OCLN: variants seen among roughly 807,000 people sequenced by gnomAD.
The protein encoded by OCLN is phosphatase 1, regulatory subunit 115.
A neutral mutation model predicts 47.9 loss-of-function variants in OCLN; 21 were observed. That is an observed-to-expected ratio of 0.44 (90% CI 0.31 to 0.63). The LOEUF is 0.63. Ranked by LOEUF, OCLN falls within the 30% of genes least tolerant of loss-of-function variation. The pLI is 0.08. For missense variants in OCLN, 360 were observed against 571.0 expected (o/e 0.63, Z 3.77); for synonymous variants, 117 against 198.4 (o/e 0.59, Z 3.45).
chr5:69,533,041 A>G (rs1243832317), intron 4 of OCLN, among the ~76,000 whole-genome samples: 6 of 149,228 alleles, frequency 4.0e-5, no homozygotes, highest in African/African-American at 1.2e-4. Flanking sequence ...ACACACATGT[A>G]TATATACACA....
chr5:69,521,685 G>C (rs1213806509), intron 4 of OCLN, among the ~76,000 whole-genome samples: 4 of 152,086 alleles, frequency 2.6e-5, no homozygotes, highest in Non-Finnish European at 4.4e-5. Context: ...GTTTTTGAAA[G>C]CTCTGCAGAT....
chr5:69,508,317 A>G (rs1222834540), intron 2 of OCLN, among the ~76,000 whole-genome samples: 1 of 151,884 alleles, frequency 6.6e-6, no homozygotes, highest in Admixed American at 6.6e-5. Context: ...GTGCATTTTA[A>G]CAGCGTATCT....
intron 2 of OCLN, among the ~76,000 whole-genome samples, chr5:69,506,153 G>T (rs1768593687): frequency 6.6e-6 from 1 of 152,266 alleles, no homozygotes; most frequent in Non-Finnish European, 1.5e-5. Flanking sequence ...ATTATAAAGG[G>T]TATTACAAAA....
intron 4 of OCLN, among the ~76,000 whole-genome samples, chr5:69,515,589 ACC>A (rs1768929226): frequency 1.4e-5 from 1 of 69,090 alleles, no homozygotes; most frequent in African/African-American, 5.6e-5. Context: ...CGGGGGGCTG[ACC>A]CCCCCACCTC....
chr5:69,526,084 A>G (rs1042799441), intron 4 of OCLN, among the ~76,000 whole-genome samples: 7 of 152,134 alleles, frequency 4.6e-5, no homozygotes, highest in African/African-American at 1.7e-4. Context: ...AATTGTGTCT[A>G]CGTCAGTAGT....
At chr5:69,499,018 A>G (rs1407636558) in intron 1 of OCLN, among the ~76,000 whole-genome samples, 4 of 152,078 alleles carry the variant, frequency 2.6e-5, no homozygotes, top group Non-Finnish European at 5.9e-5. Context: ...ATAATACCGT[A>G]TACAATGTAA....
chr5:69,495,799 G>A (rs1359043698), intron 1 of OCLN, among the ~76,000 whole-genome samples: 1 of 152,150 alleles, frequency 6.6e-6, no homozygotes, highest in East Asian at 1.9e-4. Context: ...TGAGGGACAG[G>A]GAGGGCATCT....
chr5:69,493,720 C>T lies in OCLN; in HGVS notation c.-69+820C>T, dbSNP rs1246329321. Among the ~76,000 whole-genome samples, 1 of 152,158 alleles carries T rather than the reference C, an allele frequency of 6.6e-6. No individual in the cohort carries two copies. The highest frequency in any genetic ancestry group is 2.4e-5 in the African/African-American group (1 of 41,452). On this transcript the variant is annotated intron_variant, in intron 1 of 8. Coordinates refer to ENST00000396442, the MANE Select transcript of OCLN (RefSeq NM_001205254.2). The surrounding 1 kb of genome is among the most constrained non-coding windows in gnomAD (Gnocchi z 5.3). ...CCTCGGTGCGCACGGAAGCCGGGAC[C>T]CGCGCCCAGCCGGGCCACGGAGTTT...
intron 3 of OCLN, among the ~76,000 whole-genome samples, chr5:69,510,331 G>A (rs974618891): frequency 6.6e-6 from 1 of 152,058 alleles, no homozygotes; most frequent in Non-Finnish European, 1.5e-5. Flanking sequence ...TCCAGTGTGT[G>A]GATAAACCAC....
intron 4 of OCLN, 40 bp downstream of exon 4, chr5:69,514,149 C>T (rs777741469): frequency 6.4e-7 from 1 of 1,566,110 alleles, no homozygotes; most frequent in South Asian, 1.1e-5. Context: ...TTATTAAAGC[C>T]CCAAATTTGT....
intron 4 of OCLN, among the ~76,000 whole-genome samples, chr5:69,526,073 G>T (rs550390807): frequency 7.2e-5 from 11 of 152,288 alleles, no homozygotes; most frequent in Non-Finnish European, 1.2e-4. Flanking sequence ...ACATAGAAGA[G>T]AATTGTGTCT....
At chr5:69,547,403 C>G (rs1446050987) in intron 6 of OCLN, among the ~76,000 whole-genome samples, 3 of 127,424 alleles carry the variant, frequency 2.4e-5, no homozygotes, top group Non-Finnish European at 5.0e-5. Context: ...GAAACCCTGT[C>G]TCTACTAAAA....
Position 69,501,340 on chromosome 5 carries a change from G to C in OCLN, c.-68-2837G>C, listed in dbSNP as rs141708773. Among the ~76,000 whole-genome samples, 782 of 152,274 alleles carry C rather than the reference G, an allele frequency of 5.1e-3. 2 individuals are homozygous for C. Among genetic ancestry groups the C allele is most frequent in the Admixed American group, 0.01 (156 of 15,282 alleles). On this transcript the variant is annotated intron_variant, in intron 1 of 8. Coordinates refer to ENST00000396442, the MANE Select transcript of OCLN (RefSeq NM_001205254.2). The stretch of plus-strand genomic sequence containing the variant: ...TGTGTTTCACCATTACTAGAATATA[G>C]AGAAATTGGCCAGGTGTATTGGCTC...
intron 2 of OCLN, among the ~76,000 whole-genome samples, chr5:69,508,526 A>G (rs546270214): frequency 2.2e-4 from 33 of 152,042 alleles, no homozygotes; most frequent in Non-Finnish European, 3.8e-4. Context: ...TTTTTAGTAG[A>G]GATGGGGTTT....
chr5:69,548,981 A>G (rs1166786319), intron 7 of OCLN, among the ~76,000 whole-genome samples: 2 of 147,210 alleles, frequency 1.4e-5, no homozygotes, highest in East Asian at 4.1e-4. Context: ...AATAATAATA[A>G]TAAAATAGCC....
chr5:69,511,893 C>T (rs1215594489), intron 3 of OCLN, among the ~76,000 whole-genome samples: 1 of 151,972 alleles, frequency 6.6e-6, no homozygotes, highest in Non-Finnish European at 1.5e-5. Flanking sequence ...GACACGGTGG[C>T]GTGCCTGTAA....
intron 1 of OCLN, among the ~76,000 whole-genome samples, chr5:69,497,385 A>ATTTTT (rs373562576): frequency 6.0e-5 from 7 of 116,312 alleles, no homozygotes; most frequent in Non-Finnish European, 6.8e-5. Context: ...GTTTTTCTAG[A>ATTTTT]TTTTTTTTTT....
At chr5:69,549,883 C>T (rs1473041127) in intron 7 of OCLN, among the ~76,000 whole-genome samples, 1 of 150,674 alleles carries the variant, frequency 6.6e-6, no homozygotes, top group African/African-American at 2.4e-5. Context: ...TCCCGTGTCC[C>T]TTTGACATAC....
intron 3 of OCLN, among the ~76,000 whole-genome samples, chr5:69,513,691 C>T (rs1216375892): frequency 6.6e-6 from 1 of 152,154 alleles, no homozygotes; most frequent in African/African-American, 2.4e-5. Context: ...TTGATAGTTC[C>T]TAACATTAGG....
Sources: allele counts gnomAD v4.1 joint callset (sites outside exome capture counted in the v4.1 genomes callset), GRCh38; gene constraint gnomAD v4.1.1; non-coding constraint Gnocchi (gnomAD v3.1); transcripts MANE v1.5; gene names NCBI Gene and HGNC (gene_info 2026-07-23, HGNC 2026-07-21).